TNFSF4: variants seen among roughly 807,000 people sequenced by gnomAD.
TNFSF4 encodes the protein TNF superfamily member 4, also known as tumor necrosis factor ligand superfamily member 4.
Under a neutral mutation model 7.3 loss-of-function variants are expected in TNFSF4, and 4 were observed. The observed-to-expected ratio is 0.55, with a 90% CI of 0.27 to 1.25. The LOEUF (loss-of-function observed/expected upper bound fraction) is 1.25. Among genes scored for constraint, TNFSF4 ranks in the 50% most tolerant of loss-of-function variants. The probability of loss-of-function intolerance (pLI) is 0.12; values close to 1 mark genes in which losing one functional copy is unlikely to be tolerated. For missense variants in TNFSF4, 181 were observed against 208.8 expected (o/e 0.87, Z 0.82); for synonymous variants, 76 against 83.7 (o/e 0.91, Z 0.50).
chr1:173,223,794 A>G, the TNFSF4 span, among the ~76,000 whole-genome samples: 2 of 152,172 alleles, frequency 1.3e-5, no homozygotes. Flanking sequence ...GGGGTGGGGG[A>G]AACTCTATCA....
the TNFSF4 span, among the ~76,000 whole-genome samples, chr1:173,230,135 TCTC>T: frequency 6.6e-6 from 1 of 152,134 alleles, no homozygotes; most frequent in Non-Finnish European, 1.5e-5. Context: ...TGCACATTCT[TCTC>T]AGCACCACAC....
chr1:173,234,310 G>A, the TNFSF4 span, among the ~76,000 whole-genome samples: 1,538 of 152,332 alleles, frequency 0.01, 13 homozygotes, highest in Middle Eastern at 0.02. Context: ...AGGTGCTGGA[G>A]AGGGTGTGGA....
chr1:173,341,423 C>G, the TNFSF4 span, among the ~76,000 whole-genome samples: 4 of 152,152 alleles, frequency 2.6e-5, no homozygotes, highest in Non-Finnish European at 5.9e-5. Context: ...AGACATTTAA[C>G]AACTGTATAT....
the TNFSF4 span, among the ~76,000 whole-genome samples, chr1:173,380,492 A>C: frequency 6.6e-6 from 1 of 152,134 alleles, no homozygotes; most frequent in Non-Finnish European, 1.5e-5. Flanking sequence ...GAACAGCTCC[A>C]TTGAGATGAC....
the TNFSF4 span, among the ~76,000 whole-genome samples, chr1:173,261,418 T>C: frequency 3.6e-4 from 55 of 151,658 alleles, no homozygotes; most frequent in African/African-American, 1.2e-3. Flanking sequence ...TCTAAAAGAA[T>C]GAAAGAACGA....
chr1:173,314,310 A>G, the TNFSF4 span, among the ~76,000 whole-genome samples: 15 of 152,060 alleles, frequency 9.9e-5, no homozygotes, highest in African/African-American at 2.9e-4. Context: ...AAATTCTACA[A>G]TTTACTACTT....
chr1:173,330,048 G>T, the TNFSF4 span, among the ~76,000 whole-genome samples: 1 of 151,964 alleles, frequency 6.6e-6, no homozygotes, highest in Non-Finnish European at 1.5e-5. Context: ...AGGCCATAGG[G>T]GAGTAACACT....
At chr1:173,442,754 T>C in the TNFSF4 span, among the ~76,000 whole-genome samples, 2 of 152,028 alleles carry the variant, frequency 1.3e-5, no homozygotes, top group African/African-American at 2.4e-5. Flanking sequence ...TTTCACCATG[T>C]TGGTCAGGCT....
the TNFSF4 span, among the ~76,000 whole-genome samples, chr1:173,359,418 A>G: frequency 6.6e-6 from 1 of 151,526 alleles, no homozygotes; most frequent in Non-Finnish European, 1.5e-5. Context: ...ACAAGCATAA[A>G]CAAATGCCAG....
At chr1:173,442,115 T>C in the TNFSF4 span, 1 of 151,992 alleles carries the variant, frequency 6.6e-6, no homozygotes, top group Non-Finnish European at 1.5e-5. Flanking sequence ...GGGAGGAGAG[T>C]GATGAAAAAC....
chr1:173,364,475 C>T, the TNFSF4 span, among the ~76,000 whole-genome samples: 352 of 150,692 alleles, frequency 2.3e-3, 1 homozygote, highest in Non-Finnish European at 3.4e-3. Context: ...AAGAAAAAAA[C>T]TCACACCTAA....
At chr1:173,407,494 AG>A in the TNFSF4 span, among the ~76,000 whole-genome samples, 1 of 134,156 alleles carries the variant, frequency 7.5e-6, no homozygotes, top group East Asian at 2.4e-4. Flanking sequence ...CAGGAAGTGG[AG>A]GTTGCAATGA....
chr1:173,275,708 G>A, the TNFSF4 span, among the ~76,000 whole-genome samples: 4 of 152,160 alleles, frequency 2.6e-5, no homozygotes, highest in South Asian at 4.2e-4. Flanking sequence ...AACCCCTGGG[G>A]GAAAAAAAGT....
the TNFSF4 span, among the ~76,000 whole-genome samples, chr1:173,320,687 GACAA>G: frequency 1.6e-4 from 25 of 152,100 alleles, no homozygotes; most frequent in Non-Finnish European, 2.4e-4. Context: ...ACCAATAATA[GACAA>G]ACAGAGAGCC....
chr1:173,210,402 G>A (rs1445472959), upstream of TNFSF4, among the ~76,000 whole-genome samples: 3 of 152,124 alleles, frequency 2.0e-5, no homozygotes, highest in Non-Finnish European at 4.4e-5. Context: ...TGGCCATCTG[G>A]GGCACTGGGG....
At chr1:173,324,110 C>G in the TNFSF4 span, among the ~76,000 whole-genome samples, 1 of 152,128 alleles carries the variant, frequency 6.6e-6, no homozygotes, top group South Asian at 2.1e-4. Context: ...AGCAGCCAGA[C>G]AGAAAGGTCG....
the TNFSF4 span, among the ~76,000 whole-genome samples, chr1:173,256,348 T>C: frequency 1.3e-5 from 2 of 152,232 alleles, no homozygotes; most frequent in African/African-American, 4.8e-5. Flanking sequence ...AGGGCCCTCT[T>C]CCTGGCCTGC....
At chr1:173,393,096 A>AAT in the TNFSF4 span, among the ~76,000 whole-genome samples, 3 of 152,076 alleles carry the variant, frequency 2.0e-5, no homozygotes, top group African/African-American at 7.2e-5. Flanking sequence ...CTTGGGTAGG[A>AAT]ATGGAAGGGC....
At chr1:173,265,543 G>A in the TNFSF4 span, among the ~76,000 whole-genome samples, 4,037 of 152,272 alleles carry the variant, frequency 0.027, 172 homozygotes, top group African/African-American at 0.092. Context: ...TTATGTCAAT[G>A]ACTGTATAAG....
Sources: allele counts gnomAD v4.1 joint callset (sites outside exome capture counted in the v4.1 genomes callset), GRCh38; gene constraint gnomAD v4.1.1; transcripts MANE v1.5; gene names NCBI Gene and HGNC (gene_info 2026-07-23, HGNC 2026-07-21).